The following SAMD5 variants were observed in gnomAD, a reference collection of about 807,000 sequenced individuals.
SAMD5 encodes the protein sterile alpha motif domain containing 5, also known as sterile alpha motif domain-containing protein 5.
SAMD5 carries 13 observed loss-of-function variants against 11.3 expected under a neutral mutation model. The ratio of observed to expected loss-of-function variants is 1.15; its 90% confidence interval spans 0.75 to 1.83. The LOEUF is 1.83. SAMD5 is among the 40% of genes most tolerant of loss of function. The pLI is 0.00. For synonymous variants in SAMD5, 129 were observed against 111.3 expected, an observed-to-expected ratio of 1.16 and a Z score of -1.00; for missense variants, 255 against 239.1, an observed-to-expected ratio of 1.07 and a Z score of -0.44.
chr6:147,650,705 C>T (rs1008979803), intron 1 of SAMD5, among the ~76,000 whole-genome samples: 1 of 152,242 alleles, frequency 6.6e-6, no homozygotes, highest in South Asian at 2.1e-4. Context: ...ATTCAGGCAC[C>T]AGTCTGGATG....
At chr6:147,878,057 G>A in the SAMD5 span, among the ~76,000 whole-genome samples, 8 of 151,736 alleles carry the variant, frequency 5.3e-5, no homozygotes, top group East Asian at 7.8e-4. Context: ...GATTACATGC[G>A]TGAGCCACCA....
At chr6:147,704,195 A>G (rs1791295095) in intron 1 of SAMD5, among the ~76,000 whole-genome samples, 1 of 152,138 alleles carries the variant, frequency 6.6e-6, no homozygotes, top group African/African-American at 2.4e-5. Flanking sequence ...GCGCCTGGCC[A>G]TTATTTTAAA....
intron 1 of SAMD5, among the ~76,000 whole-genome samples, chr6:147,622,302 T>C (rs1310188523): frequency 1.3e-5 from 2 of 152,252 alleles, no homozygotes. Context: ...CTTAATACAG[T>C]GCAGATGCTA....
rs1789007000 is a variant in SAMD5, at chr6:147,564,592, C to T, written c.*136C>T. The T allele has an allele frequency of 1.4e-6, 2 of 1,455,448 alleles. No homozygotes were observed. Among genetic ancestry groups the T allele is most frequent in the Non-Finnish European group, 9.1e-7 (1 of 1,095,708 alleles). 90.2% of individuals were successfully genotyped at this position (1,455,448 alleles called of 1,614,324 possible). A position where few individuals can be genotyped will look rare whatever the true frequency, so the allele number is the denominator to read the frequency against. Reference sequence around the variant, plus strand: ...TCATCAGCTTAACTTTTTGCTTGGACAAATTCTGGAATAATCAACTTAGTA... The same window carrying T: ...TCATCAGCTTAACTTTTTGCTTGGATAAATTCTGGAATAATCAACTTAGTA... On this transcript the variant is annotated 3_prime_UTR_variant, in exon 2 of 2. Coordinates refer to ENST00000367474, the MANE Select transcript of SAMD5 (RefSeq NM_001030060.3).
At chr6:147,588,230 A>C (rs535029330) in intron 1 of SAMD5, among the ~76,000 whole-genome samples, 1 of 151,928 alleles carries the variant, frequency 6.6e-6, no homozygotes, top group East Asian at 1.9e-4. Context: ...ACATAGATGC[A>C]TATCTTAATT....
the SAMD5 span, among the ~76,000 whole-genome samples, chr6:147,819,364 A>C: frequency 6.6e-6 from 1 of 152,192 alleles, no homozygotes; most frequent in African/African-American, 2.4e-5. Context: ...AGCAGAGAAA[A>C]GAAACAACTG....
the SAMD5 span, among the ~76,000 whole-genome samples, chr6:147,856,971 C>G: frequency 6.6e-6 from 1 of 151,756 alleles, no homozygotes; most frequent in Non-Finnish European, 1.5e-5. Flanking sequence ...GAGTTCTGCT[C>G]TCACTTCTGC....
intron 1 of SAMD5, among the ~76,000 whole-genome samples, chr6:147,662,254 TTTTA>T (rs1173818535): frequency 6.6e-6 from 1 of 152,228 alleles, no homozygotes; most frequent in African/African-American, 2.4e-5. Context: ...CCATCCCATT[TTTTA>T]TTTATCAGAC....
At chr6:147,726,054 A>AGT (rs1791622535) in intron 1 of SAMD5, among the ~76,000 whole-genome samples, 1 of 152,154 alleles carries the variant, frequency 6.6e-6, no homozygotes, top group African/African-American at 2.4e-5. Context: ...TTTCCTCTGA[A>AGT]TATTAGTATG....
intron 1 of SAMD5, among the ~76,000 whole-genome samples, chr6:147,511,305 A>G (rs981722005): frequency 6.6e-6 from 1 of 152,250 alleles, no homozygotes; most frequent in African/African-American, 2.4e-5. Context: ...TAAGGGGATG[A>G]AACGTCATCA....
At chr6:147,907,772 C>A in the SAMD5 span, among the ~76,000 whole-genome samples, 1 of 152,152 alleles carries the variant, frequency 6.6e-6, no homozygotes, top group Non-Finnish European at 1.5e-5. Context: ...CCCAAGACAG[C>A]AGCACAGGAA....
chr6:147,866,888 A>G, the SAMD5 span, among the ~76,000 whole-genome samples: 1 of 152,346 alleles, frequency 6.6e-6, no homozygotes, highest in Admixed American at 6.5e-5. Context: ...TTCCTTTAAA[A>G]GCATATGACT....
the SAMD5 span, among the ~76,000 whole-genome samples, chr6:147,822,334 G>A: frequency 6.6e-6 from 1 of 152,004 alleles, no homozygotes; most frequent in Non-Finnish European, 1.5e-5. Flanking sequence ...CATTGTCTTG[G>A]TTATTATTCC....
the SAMD5 span, among the ~76,000 whole-genome samples, chr6:147,805,273 C>A: frequency 2.4e-4 from 37 of 152,176 alleles, no homozygotes; most frequent in African/African-American, 8.7e-4. Flanking sequence ...ATAGCAGCAG[C>A]TTGGAAGTGC....
intron 1 of SAMD5, among the ~76,000 whole-genome samples, chr6:147,699,542 G>A (rs1791223568): frequency 6.6e-6 from 1 of 152,178 alleles, no homozygotes; most frequent in African/African-American, 2.4e-5. Context: ...GAGAAATTCT[G>A]ATGATGTTAA....
At chr6:147,763,727 C>T in the SAMD5 span, among the ~76,000 whole-genome samples, 1 of 151,878 alleles carries the variant, frequency 6.6e-6, no homozygotes, top group Non-Finnish European at 1.5e-5. Context: ...GGACTACAGG[C>T]GCCCACCACC....
At chr6:147,556,237 C>A (rs139321257) in intron 1 of SAMD5, among the ~76,000 whole-genome samples, 4 of 152,034 alleles carry the variant, frequency 2.6e-5, no homozygotes, top group East Asian at 1.9e-4. Context: ...GGACTACAGG[C>A]GCCTGCCACC....
At chr6:147,819,884 T>G in the SAMD5 span, among the ~76,000 whole-genome samples, 1 of 152,168 alleles carries the variant, frequency 6.6e-6, no homozygotes, top group Non-Finnish European at 1.5e-5. Context: ...TGTCAGCAGA[T>G]ATACCCATAA....
downstream of SAMD5, among the ~76,000 whole-genome samples, chr6:147,574,587 C>T (rs1789190871): frequency 6.6e-6 from 1 of 152,090 alleles, no homozygotes. Flanking sequence ...TAACAGAATG[C>T]CTGAGACTGG....
Sources: gnomAD v4.1 joint callset for allele counts (sites outside exome capture counted in the v4.1 genomes callset) on GRCh38, gnomAD v4.1.1 for gene constraint, MANE v1.5 for transcripts, NCBI Gene and HGNC (gene_info 2026-07-23, HGNC 2026-07-21) for gene names.